Variants in RELN observed in about 807,000 individuals in gnomAD.
RELN encodes the protein reelin.
Under a neutral mutation model 427.6 loss-of-function variants are expected in RELN, and 108 were observed. The observed-to-expected ratio is 0.25, with a 90% confidence interval of 0.22 to 0.30. The LOEUF is 0.30. RELN is among the 10% of genes least tolerant of loss of function. RELN has a pLI of 1.00. For missense variants in RELN, 3,715 were observed against 4,302.8 expected, an observed-to-expected ratio of 0.86 and a Z score of 3.82; for synonymous variants, 1,524 against 1,513.4, an observed-to-expected ratio of 1.01 and a Z score of -0.16.
intron 1 of RELN, among the ~76,000 whole-genome samples, chr7:103,928,763 C>T (rs143640563): frequency 7.9e-5 from 12 of 152,222 alleles, no homozygotes; most frequent in South Asian, 4.2e-4. Flanking sequence ...CTCTAACTGA[C>T]GAGGACTGAA....
intron 1 of RELN, among the ~76,000 whole-genome samples, chr7:103,923,959 A>G (rs769991821): frequency 1.2e-4 from 18 of 152,164 alleles, no homozygotes; most frequent in Admixed American, 2.0e-4. Context: ...GATAATTACT[A>G]TAATTATACC....
chr7:103,521,440 C>T (rs1166244983), intron 48 of RELN, among the ~76,000 whole-genome samples: 1 of 152,142 alleles, frequency 6.6e-6, no homozygotes, highest in Non-Finnish European at 1.5e-5. Context: ...ATATGCTACA[C>T]ATACAAATAT....
intron 2 of RELN, among the ~76,000 whole-genome samples, chr7:103,862,856 T>C (rs1284895105): frequency 3.3e-5 from 5 of 151,756 alleles, no homozygotes; most frequent in Admixed American, 6.6e-5. Context: ...TGTTGCAAAA[T>C]AGGCAGGAAA....
At position 103,690,319 on chromosome 7, in the gene RELN, G is replaced by A. The variant is rs545670150; in HGVS notation, c.1143+7534C>T. ...CAGTTCATAGCCTTTAATCCTTGAC[G>A]GTAAAACCAAGGCCATTCTCACAGA... is the stretch of plus-strand genomic sequence containing the variant. On this transcript the variant is annotated intron_variant, in intron 10 of 64. Transcript: ENST00000428762. Among the ~76,000 whole-genome samples the A allele has an allele frequency of 7.9e-4, 120 of 152,006 alleles. 1 individual carries two copies. Among genetic ancestry groups the A allele is most frequent in the African/African-American group, 2.7e-3 (112 of 41,474 alleles).
At chr7:103,798,360 C>A (rs994663212) in intron 3 of RELN, among the ~76,000 whole-genome samples, 2 of 152,158 alleles carry the variant, frequency 1.3e-5, no homozygotes, top group African/African-American at 4.8e-5. Flanking sequence ...TGTCTCTAAG[C>A]CTCCATTTAT....
chr7:103,854,622 A>G (rs1025301998), intron 2 of RELN, among the ~76,000 whole-genome samples: 1 of 152,216 alleles, frequency 6.6e-6, no homozygotes, highest in African/African-American at 2.4e-5. Context: ...TGAGGGAACC[A>G]TCAGATTCTT....
At chr7:103,915,955 C>A (rs1324831540) in intron 2 of RELN, among the ~76,000 whole-genome samples, 1 of 152,172 alleles carries the variant, frequency 6.6e-6, no homozygotes, top group African/African-American at 2.4e-5. Flanking sequence ...TCTAAGAGGA[C>A]ATTTTTCCCC....
intron 8 of RELN, among the ~76,000 whole-genome samples, chr7:103,716,767 T>C (rs987945937): frequency 8.5e-5 from 13 of 152,196 alleles, no homozygotes; most frequent in East Asian, 1.9e-4. Flanking sequence ...TGAAAGTGAA[T>C]GTGCAGAAAT....
chr7:103,503,035 G>C lies in RELN; in HGVS notation c.8470C>G (p.Pro2824Ala). Reference sequence around the variant, plus strand: ...ACTTACTTTCCCACTAAGCTTTCAGGAAGTGGGTAGGTGATCCTTTTCCAC... The same window carrying C: ...ACTTACTTTCCCACTAAGCTTTCAGCAAGTGGGTAGGTGATCCTTTTCCAC... ...KGWKRITYPL[P>A]ESLVGNPVRF... Residue 2824 changes from proline (P) to alanine (A), a missense_variant, in exon 52 of 65, where the codon CCT becomes GCT. Pro to Ala is a conservative substitution (Grantham distance 27). Around this residue, in one of 4 missense-constraint regions of RELN, gnomAD observed 1,310 missense variants for 1,643.0 expected, o/e 0.80. Coordinates refer to ENST00000428762, the MANE Select transcript of RELN (RefSeq NM_005045.4). 1 of 1,613,932 alleles carries C rather than the reference G, an allele frequency of 6.2e-7. No individual in the cohort carries two copies. The highest frequency in any genetic ancestry group is 1.3e-5 in the African/African-American group (1 of 75,048).
intron 1 of RELN, among the ~76,000 whole-genome samples, chr7:103,932,887 G>T (rs1795895750): frequency 6.6e-6 from 1 of 152,218 alleles, no homozygotes; most frequent in African/African-American, 2.4e-5. Context: ...ACCTTCCAGA[G>T]AAAGTCCTCT....
intron 8 of RELN, among the ~76,000 whole-genome samples, chr7:103,702,099 A>C (rs1834105369): frequency 6.6e-6 from 1 of 152,246 alleles, no homozygotes; most frequent in South Asian, 2.1e-4. Context: ...ATGAAAGAAA[A>C]GGATATTCAA....
At chr7:103,905,931 G>A (rs1443735505) in intron 2 of RELN, among the ~76,000 whole-genome samples, 3 of 151,946 alleles carry the variant, frequency 2.0e-5, no homozygotes, top group Non-Finnish European at 4.4e-5. Context: ...TATGGAAGGG[G>A]GCCCTAAAAG....
Position 103,472,840 on chromosome 7 carries a change from C to G in RELN, c.10355G>C (p.Arg3452Thr). The change falls in exon 65 of 65, where the codon AGA becomes ACA. Residue 3452 changes from arginine to threonine, a missense_variant. Arg to Thr is a moderately conservative substitution (Grantham distance 71). Around this residue, in one of 4 missense-constraint regions of RELN, gnomAD observed 195 missense variants for 281.3 expected, o/e 0.69. Transcript: ENST00000428762. ...TGGGTATCGCCTAAGTGACCTTCGT[C>G]TTCTGTTGTAGAAATGTCTGAGCCC... ...QHGLRHFYNRRRRSLRRYP is the reference protein window; with the variant it reads ...QHGLRHFYNRTRRSLRRYP The G allele has an allele frequency of 6.2e-7, 1 of 1,613,902 alleles. No individual in the cohort carries two copies. Among genetic ancestry groups the G allele is most frequent in the South Asian group, 1.1e-5 (1 of 91,072 alleles).
At chr7:103,594,898 A>G (rs1831503273) in intron 25 of RELN, among the ~76,000 whole-genome samples, 1 of 152,204 alleles carries the variant, frequency 6.6e-6, no homozygotes. Context: ...ATAAAAATGC[A>G]TTAAAAATGA....
At chr7:103,790,904 G>T (rs1451246692) in intron 3 of RELN, among the ~76,000 whole-genome samples, 3 of 152,096 alleles carry the variant, frequency 2.0e-5, no homozygotes, top group Non-Finnish European at 2.9e-5. Flanking sequence ...GGAGGTTGCA[G>T]TGTGCCAGAT....
chr7:103,491,846 TCTCTCTCTCTCACACACACACACA>T (rs1207968204), intron 58 of RELN, 83 bp downstream of exon 58: 61 of 609,404 alleles, frequency 1.0e-4, no homozygotes, highest in Non-Finnish European at 1.2e-4. Flanking sequence ...TCTCTCTCTC[TCTCTCTCTCTCACACACACACACA>T]CACACACACA....
In RELN at chr7:103,557,030, T is replaced by C. The variant is rs1373786748; in HGVS notation, c.5744A>G (p.Tyr1915Cys). Residue 1915 changes from tyrosine (Y) to cysteine (C), a missense_variant, in exon 38 of 65, where the codon TAC (tyrosine) becomes TGC (cysteine). By Grantham distance (194) the Tyr-to-Cys change is radical. Coordinates refer to ENST00000428762, the MANE Select transcript of RELN (RefSeq NM_005045.4). Reference protein sequence around the residue: ...NILFINVPLPYTAQTNATRFR... With the variant: ...NILFINVPLPCTAQTNATRFR... ...TCTTGTAGCATTGGTTTGGGCAGTGTATGGCAAGGGAACATTGATGAAAAG... is the reference window on the plus strand; with the variant it reads ...TCTTGTAGCATTGGTTTGGGCAGTGCATGGCAAGGGAACATTGATGAAAAG... 1.9e-6 allele frequency: 3 copies of C among 1,613,812 alleles called. No homozygotes were observed. The African/African-American group carries it at 4.0e-5, about 22-fold the overall frequency.
intron 41 of RELN, among the ~76,000 whole-genome samples, chr7:103,548,314 AT>A: frequency 6.6e-6 from 1 of 151,940 alleles, no homozygotes; most frequent in Non-Finnish European, 1.5e-5. Flanking sequence ...GAAAAGAGTA[AT>A]TTAAACATGG....
intron 3 of RELN, among the ~76,000 whole-genome samples, chr7:103,803,840 G>C (rs1008825750): frequency 8.6e-5 from 13 of 151,930 alleles, no homozygotes; most frequent in African/African-American, 2.9e-4. Context: ...TCCTCTCCTA[G>C]CAACAGATGC....
Sources: gnomAD v4.1 joint callset for allele counts (sites outside exome capture counted in the v4.1 genomes callset) on GRCh38, gnomAD v4.1.1 for gene constraint, gnomAD v4.1.1 regional missense constraint, MANE v1.5 for transcripts, NCBI Gene and HGNC (gene_info 2026-07-23, HGNC 2026-07-21) for gene names.